Variants in GRIP2 observed in about 807,000 individuals in gnomAD.
GRIP2 encodes glutamate receptor-interacting protein 2.
In GRIP2, 58 loss-of-function variants were observed where a neutral mutation model predicts 108.3. The ratio of observed to expected loss-of-function variants is 0.54; its 90% CI spans 0.43 to 0.67. The LOEUF (loss-of-function observed/expected upper bound fraction) is 0.67. GRIP2 is among the 30% of genes least tolerant of loss of function. GRIP2 has a pLI of 0.00. For synonymous variants in GRIP2, 586 were observed against 598.2 expected (o/e 0.98, Z 0.30); for missense variants, 1,278 against 1,430.6 (o/e 0.89, Z 1.72).
Position 14,511,592 on chromosome 3 carries a change from G to A in GRIP2, c.1721-113C>T. On this transcript the variant is annotated intron_variant, in intron 14 of 23. Transcript: ENST00000621039. The surrounding 1 kb of genome is among the most constrained non-coding windows in gnomAD (Gnocchi z 4.1). ...AGCCACTGGTCCTACTCACATCCTGGTCCCACTGCTTCCTGGCTGGGTGAC... is the reference window on the plus strand; with the variant it reads ...AGCCACTGGTCCTACTCACATCCTGATCCCACTGCTTCCTGGCTGGGTGAC... 1 of 963,404 alleles carries A rather than the reference G, an allele frequency of 1.0e-6. No individual in the cohort carries two copies. The highest frequency in any genetic ancestry group is 1.6e-6 in the Non-Finnish European group (1 of 625,310). The allele number at this position is 963,404 out of a possible 1,614,324, so 59.7% of individuals were successfully genotyped here. A position where few individuals can be genotyped will look rare whatever the true frequency, so the allele number is the denominator to read the frequency against.
chr3:14,561,322 C>T, the GRIP2 span, among the ~76,000 whole-genome samples: 4 of 152,362 alleles, frequency 2.6e-5, no homozygotes, highest in Admixed American at 2.6e-4. Flanking sequence ...GTGTGCACTA[C>T]TGTGTGGCCT....
chr3:14,578,583 G>A, the GRIP2 span, among the ~76,000 whole-genome samples: 1 of 152,100 alleles, frequency 6.6e-6, no homozygotes, highest in African/African-American at 2.4e-5. Flanking sequence ...CAGGCATGGT[G>A]GCAGGGACCT....
chr3:14,528,735 T>C (rs1158090650), intron 1 of GRIP2, among the ~76,000 whole-genome samples: 2 of 152,034 alleles, frequency 1.3e-5, no homozygotes, highest in African/African-American at 4.8e-5. Flanking sequence ...TGTGCAGAGG[T>C]ATCTTACTGT....
In GRIP2 at chr3:14,503,550, G is replaced by T; in HGVS notation, c.2679+16C>A. 1 of 1,578,470 alleles carries T rather than the reference G, an allele frequency of 6.3e-7. No homozygotes were observed. Among genetic ancestry groups the T allele is most frequent in the Non-Finnish European group, 8.7e-7 (1 of 1,153,056 alleles). ...CCCGGGTGCCCCATGCAGGCCTGCA[G>T]GGCAGGCAGCCATACCTCCAGTTCC... is the stretch of plus-strand genomic sequence containing the variant. On this transcript the variant is annotated intron_variant, in intron 21 of 23. Coordinates refer to ENST00000621039, the MANE Select transcript of GRIP2 (RefSeq NM_001080423.4).
In GRIP2 at chr3:14,526,059, C is replaced by T. The variant is rs1357003571; in HGVS notation, c.41-128G>A. 8.1e-6 allele frequency: 6 copies of T among 742,814 alleles called. No individual in the cohort carries two copies. The African/African-American group carries it at 8.7e-5, about 11-fold the overall frequency. 46.0% of individuals were successfully genotyped at this position (742,814 alleles called of 1,614,324 possible). A position where few individuals can be genotyped will look rare whatever the true frequency, so the allele number is the denominator to read the frequency against. ...GATGGGTTCCCTCCTGCCACCAGCTCCACCCGATTCTCTGCTGGAGAATCC... is the reference window on the plus strand; with the variant it reads ...GATGGGTTCCCTCCTGCCACCAGCTTCACCCGATTCTCTGCTGGAGAATCC... On this transcript the variant is annotated intron_variant, in intron 1 of 23. Coordinates refer to ENST00000621039, the MANE Select transcript of GRIP2 (RefSeq NM_001080423.4).
intron 1 of GRIP2, among the ~76,000 whole-genome samples, chr3:14,529,278 CAAAAAAA>C (rs78828207): frequency 1.3e-4 from 14 of 111,088 alleles, no homozygotes; most frequent in African/African-American, 4.6e-4. Context: ...GACTCCGTCT[CAAAAAAA>C]AAAAAAAAAA....
chr3:14,562,267 C>A, the GRIP2 span, among the ~76,000 whole-genome samples: 1 of 152,104 alleles, frequency 6.6e-6, no homozygotes, highest in Non-Finnish European at 1.5e-5. Flanking sequence ...GCAATATGAG[C>A]CTTTCTTGTA....
upstream of GRIP2, among the ~76,000 whole-genome samples, chr3:14,559,549 G>C (rs1336136039): frequency 2.6e-5 from 4 of 152,062 alleles, no homozygotes; most frequent in Admixed American, 2.6e-4. Context: ...GGGAGGCAGT[G>C]GTCGGTGTAT....
chr3:14,579,949 G>A, the GRIP2 span, among the ~76,000 whole-genome samples: 1 of 152,252 alleles, frequency 6.6e-6, no homozygotes, highest in Non-Finnish European at 1.5e-5. Flanking sequence ...ACGGGGTGGG[G>A]TGATGGGGTG....
At chr3:14,499,133 C>T (rs902976089) in intron 21 of GRIP2, among the ~76,000 whole-genome samples, 3 of 152,130 alleles carry the variant, frequency 2.0e-5, no homozygotes, top group African/African-American at 2.4e-5. Flanking sequence ...GCGTGACCTC[C>T]GCATGAAGGT....
chr3:14,511,887 G>C lies in GRIP2; in HGVS notation c.1721-408C>G, dbSNP rs1205820500. ...AGCACCCAGGCTCTATTGTGTGCTT[G>C]GGGGTGGGAGACACAGAAGTGAACA... On this transcript the variant is annotated intron_variant, in intron 14 of 23. Transcript: ENST00000621039. This position sits in a 1 kb window ranked among gnomAD's most constrained non-coding sequence, Gnocchi z 4.1. Among the ~76,000 whole-genome samples the C allele has an allele frequency of 6.6e-6, 1 of 152,214 alleles. No homozygotes were observed. The highest frequency in any genetic ancestry group is 1.5e-5 in the Non-Finnish European group (1 of 68,042).
At chr3:14,499,807 T>C (rs1016143296) in intron 21 of GRIP2, among the ~76,000 whole-genome samples, 2 of 152,156 alleles carry the variant, frequency 1.3e-5, no homozygotes, top group African/African-American at 2.4e-5. Context: ...GTCCAAACTA[T>C]TGGTTTCCCT....
At chr3:14,520,880 A>T (rs1260111253) in intron 7 of GRIP2, 2 of 265,468 alleles carry the variant, frequency 7.5e-6, no homozygotes, top group Non-Finnish European at 1.5e-5. Context: ...CATCTCAGGA[A>T]ATGGCACCTC....
chr3:14,566,541 G>T, the GRIP2 span, among the ~76,000 whole-genome samples: 3 of 152,354 alleles, frequency 2.0e-5, no homozygotes, highest in South Asian at 2.1e-4. Context: ...CCACAGCAGC[G>T]AGTGGAGCCA....
chr3:14,567,329 C>CCCCT, the GRIP2 span, among the ~76,000 whole-genome samples: 1 of 152,154 alleles, frequency 6.6e-6, no homozygotes, highest in Non-Finnish European at 1.5e-5. Context: ...CATTCTAAGC[C>CCCCT]CCCTGCCTCT....
At chr3:14,600,895 G>A in the GRIP2 span, among the ~76,000 whole-genome samples, 319 of 152,268 alleles carry the variant, frequency 2.1e-3, 8 homozygotes, top group South Asian at 0.065. Context: ...ATTGAGGAAG[G>A]CATTGGCCTT....
chr3:14,597,053 T>C, the GRIP2 span, among the ~76,000 whole-genome samples: 1 of 152,134 alleles, frequency 6.6e-6, no homozygotes, highest in African/African-American at 2.4e-5. Context: ...GCTGCATAGA[T>C]CTAAACGAAG....
rs1693880737 is a variant in GRIP2 at position 14,505,086 on chromosome 3, G to C, written c.2573+529C>G. 6.6e-6 allele frequency among the ~76,000 whole-genome samples: 1 copy of C among 152,156 alleles called. No individual in the cohort carries two copies. Among genetic ancestry groups the C allele is most frequent in the African/African-American group, 2.4e-5 (1 of 41,448 alleles). On this transcript the variant is annotated intron_variant, in intron 20 of 23. Transcript: ENST00000621039. This position sits in a 1 kb window ranked among gnomAD's most constrained non-coding sequence, Gnocchi z 4.2. ...TTGAGGGATGAGTAGGGATTTGCCA[G>C]GAGAGACCAGGGGAAAGGCATCGAG...
chr3:14,572,115 G>A, the GRIP2 span, among the ~76,000 whole-genome samples: 1 of 152,178 alleles, frequency 6.6e-6, no homozygotes, highest in African/African-American at 2.4e-5. Flanking sequence ...CAACAGAAAT[G>A]TGTGCATTTC....
Sources: allele counts gnomAD v4.1 joint callset (sites outside exome capture counted in the v4.1 genomes callset), GRCh38; gene constraint gnomAD v4.1.1; non-coding constraint Gnocchi (gnomAD v3.1); transcripts MANE v1.5; gene names NCBI Gene and HGNC (gene_info 2026-07-23, HGNC 2026-07-21).